Variants in ZNF469 observed in about 807,000 individuals in gnomAD.
ZNF469 encodes zinc finger protein 469.
In ZNF469, 1 loss-of-function variant was observed where a neutral mutation model predicts 1.0. The observed-to-expected ratio is 1.00, with a 90% CI of 0.35 to 4.73. The LOEUF (loss-of-function observed/expected upper bound fraction) is 4.73. Ranked by LOEUF, ZNF469 falls within the 30% of genes most tolerant of loss-of-function variation. The pLI is 0.16. For synonymous variants in ZNF469, 2,703 were observed against 2,363.4 expected, an observed-to-expected ratio of 1.14 and a Z score of -4.17; for missense variants, 6,100 against 5,356.3, an observed-to-expected ratio of 1.14 and a Z score of -4.33.
At chr16:88,220,510 A>G in the ZNF469 span, among the ~76,000 whole-genome samples, 1 of 152,208 alleles carries the variant, frequency 6.6e-6, no homozygotes, top group Non-Finnish European at 1.5e-5. Context: ...AGTGTGACCC[A>G]TGACGGGACG....
At chr16:88,186,825 G>C in the ZNF469 span, among the ~76,000 whole-genome samples, 1 of 152,216 alleles carries the variant, frequency 6.6e-6, no homozygotes, top group Non-Finnish European at 1.5e-5. Context: ...GGGGCGGGGG[G>C]ATGCGGTCAG....
the ZNF469 span, among the ~76,000 whole-genome samples, chr16:88,328,577 G>T: frequency 2.6e-5 from 4 of 152,234 alleles, no homozygotes; most frequent in South Asian, 4.1e-4. Flanking sequence ...ATGGATCTTT[G>T]TGGGGTCCAG....
chr16:88,191,644 C>T, the ZNF469 span: 1 of 152,302 alleles, frequency 6.6e-6, no homozygotes, highest in Non-Finnish European at 1.5e-5. Flanking sequence ...AGCTTCTCGC[C>T]TGGGAACCAA....
chr16:88,411,022 G>A (rs1905145771), intron 1 of ZNF469, among the ~76,000 whole-genome samples: 1 of 152,118 alleles, frequency 6.6e-6, no homozygotes, highest in Non-Finnish European at 1.5e-5. Context: ...CTCTTCATGG[G>A]GCCCTCTCCG....
chr16:88,185,625 C>T, the ZNF469 span, among the ~76,000 whole-genome samples: 1 of 152,094 alleles, frequency 6.6e-6, no homozygotes, highest in African/African-American at 2.4e-5. Flanking sequence ...GACACACTCA[C>T]ATTTGCACAC....
At chr16:88,193,497 G>A in the ZNF469 span, 2 of 152,306 alleles carry the variant, frequency 1.3e-5, no homozygotes, top group East Asian at 1.9e-4. Flanking sequence ...CCAGGAGTTC[G>A]AGATTAGCCT....
At chr16:88,292,475 G>A in the ZNF469 span, among the ~76,000 whole-genome samples, 1 of 152,152 alleles carries the variant, frequency 6.6e-6, no homozygotes, top group Non-Finnish European at 1.5e-5. Flanking sequence ...GCCCCAGTGG[G>A]GTCCGGGGAC....
chr16:88,142,340 C>A, the ZNF469 span, among the ~76,000 whole-genome samples: 2 of 152,264 alleles, frequency 1.3e-5, no homozygotes, highest in Non-Finnish European at 2.9e-5. Context: ...TGACCTTCAC[C>A]TCCTGGCCCT....
At chr16:88,267,464 C>G in the ZNF469 span, among the ~76,000 whole-genome samples, 1 of 152,244 alleles carries the variant, frequency 6.6e-6, no homozygotes, top group African/African-American at 2.4e-5. Context: ...CGGGGGCCAG[C>G]TCTGCTCATC....
the ZNF469 span, among the ~76,000 whole-genome samples, chr16:88,335,348 G>A: frequency 6.6e-6 from 1 of 152,218 alleles, no homozygotes; most frequent in African/African-American, 2.4e-5. Flanking sequence ...ATGCACTTCC[G>A]CTCCACATGG....
the ZNF469 span, among the ~76,000 whole-genome samples, chr16:88,331,822 TATCATCACC>T: frequency 6.6e-6 from 1 of 151,638 alleles, no homozygotes; most frequent in Non-Finnish European, 1.5e-5. Context: ...CCACCATCAC[TATCATCACC>T]ATCATCACCA....
At chr16:88,131,891 T>TG in the ZNF469 span, among the ~76,000 whole-genome samples, 1 of 151,950 alleles carries the variant, frequency 6.6e-6, no homozygotes, top group East Asian at 1.9e-4. Context: ...GGCGCCCACC[T>TG]GCCCGCGCCC....
chr16:88,255,124 A>G, the ZNF469 span, among the ~76,000 whole-genome samples: 1 of 152,244 alleles, frequency 6.6e-6, no homozygotes, highest in South Asian at 2.1e-4. Context: ...GGGAGAAATA[A>G]AAAATCTTGG....
chr16:88,306,331 C>T, the ZNF469 span, among the ~76,000 whole-genome samples: 2 of 152,280 alleles, frequency 1.3e-5, no homozygotes, highest in Non-Finnish European at 1.5e-5. Flanking sequence ...AGCTGAGGGA[C>T]GTGCCCTGCC....
chr16:88,321,973 C>G, the ZNF469 span, among the ~76,000 whole-genome samples: 4 of 152,226 alleles, frequency 2.6e-5, no homozygotes, highest in African/African-American at 7.2e-5. Flanking sequence ...CATCACTCAA[C>G]AGCAAAGACC....
chr16:88,210,491 T>C, the ZNF469 span, among the ~76,000 whole-genome samples: 1 of 152,270 alleles, frequency 6.6e-6, no homozygotes, highest in Non-Finnish European at 1.5e-5. Context: ...TTCTCTTGTG[T>C]TGCATTTGGA....
chr16:88,198,786 C>T, the ZNF469 span, among the ~76,000 whole-genome samples: 1 of 152,170 alleles, frequency 6.6e-6, no homozygotes, highest in Non-Finnish European at 1.5e-5. Context: ...CTCACCAACT[C>T]CCTGTTTATT....
At chr16:88,360,490 G>A in the ZNF469 span, among the ~76,000 whole-genome samples, 2 of 137,394 alleles carry the variant, frequency 1.5e-5, no homozygotes, top group African/African-American at 2.8e-5. Context: ...GACAGCGCCC[G>A]CATGCTCCCT....
In ZNF469 at chr16:88,427,558, C is replaced by A; in HGVS notation, c.88C>A (p.Pro30Thr). ...CCAAGTTGCCAGCAGCCCGGGGCACCCCTCCCAGCCGCCACTGGAGGACAA... is the reference window on the plus strand; with the variant it reads ...CCAAGTTGCCAGCAGCCCGGGGCACACCTCCCAGCCGCCACTGGAGGACAA... ...PRQVASSPGH[P>T]SQPPLEDNTP... is the part of the protein sequence containing the mutation. Residue 30 changes from proline to threonine, a missense_variant, in exon 3 of 3, where the codon CCC becomes ACC. Pro to Thr is a conservative substitution (Grantham distance 38, BLOSUM62 -1). Coordinates refer to ENST00000565624, the MANE Select transcript of ZNF469 (RefSeq NM_001367624.2). 6.5e-7 allele frequency: 1 copy of A among 1,537,114 alleles called. No homozygotes were observed. The highest frequency in any genetic ancestry group is 8.7e-7 in the Non-Finnish European group (1 of 1,146,392).
Sources: gnomAD v4.1 joint callset for allele counts (sites outside exome capture counted in the v4.1 genomes callset) on GRCh38, gnomAD v4.1.1 for gene constraint, MANE v1.5 for transcripts, NCBI Gene and HGNC (gene_info 2026-07-23, HGNC 2026-07-21) for gene names.